GRID2: variants seen among roughly 807,000 people sequenced by gnomAD.
The protein encoded by GRID2 is glutamate ionotropic receptor delta type subunit 2.
In GRID2, 33 loss-of-function variants were observed where a neutral mutation model predicts 114.8. That is an observed-to-expected ratio of 0.29 (90% CI 0.22 to 0.38). The LOEUF is 0.38. GRID2 is among the 10% of genes least tolerant of loss of function. The probability of loss-of-function intolerance (pLI) is 1.00; values close to 1 mark genes in which losing one functional copy is unlikely to be tolerated. For missense variants in GRID2, 1,184 were observed against 1,257.7 expected, an observed-to-expected ratio of 0.94 and a Z score of 0.89; for synonymous variants, 505 against 449.9, an observed-to-expected ratio of 1.12 and a Z score of -1.55.
chr4:92,622,962 G>A (rs368682469), intron 2 of GRID2, among the ~76,000 whole-genome samples: 1 of 151,624 alleles, frequency 6.6e-6, no homozygotes, highest in African/African-American at 2.4e-5. Flanking sequence ...TGAAGCTGAA[G>A]CTTCTGTGTC....
At chr4:93,760,505 C>G (rs915551316) in intron 14 of GRID2, among the ~76,000 whole-genome samples, 1 of 152,196 alleles carries the variant, frequency 6.6e-6, no homozygotes, top group African/African-American at 2.4e-5. Context: ...TCTGCAGCAG[C>G]CTTCAGCAAT....
At chr4:92,628,989 G>T (rs547252890) in intron 2 of GRID2, among the ~76,000 whole-genome samples, 2 of 151,698 alleles carry the variant, frequency 1.3e-5, no homozygotes, top group African/African-American at 2.4e-5. Flanking sequence ...AGCAATAATT[G>T]CTGGTATCAG....
intron 13 of GRID2, among the ~76,000 whole-genome samples, chr4:93,565,149 T>A (rs1250060917): frequency 6.6e-6 from 1 of 152,080 alleles, no homozygotes; most frequent in Admixed American, 6.6e-5. Flanking sequence ...CTTAAAAGTA[T>A]AACAATAGCA....
intron 8 of GRID2, among the ~76,000 whole-genome samples, chr4:93,324,961 A>AT (rs1757666728): frequency 6.6e-6 from 1 of 151,692 alleles, no homozygotes; most frequent in African/African-American, 2.4e-5. Context: ...CGGTCTATCA[A>AT]TTTTGTTGAT....
intron 12 of GRID2, among the ~76,000 whole-genome samples, chr4:93,497,829 A>T (rs1461490667): frequency 6.6e-6 from 1 of 151,686 alleles, no homozygotes; most frequent in African/African-American, 2.4e-5. Context: ...TTGTCTTTTT[A>T]TTATAAATTA....
intron 2 of GRID2, among the ~76,000 whole-genome samples, chr4:92,921,422 G>T (rs11721603): frequency 6.6e-6 from 1 of 152,026 alleles, no homozygotes; most frequent in African/African-American, 2.4e-5. Context: ...GAGGAGAGGC[G>T]CTCTGATTTT....
At chr4:92,441,065 G>A (rs1733037314) in intron 1 of GRID2, among the ~76,000 whole-genome samples, 1 of 151,954 alleles carries the variant, frequency 6.6e-6, no homozygotes, top group African/African-American at 2.4e-5. Flanking sequence ...CAGACATGAG[G>A]GCTAGGCTAA....
At chr4:92,541,471 A>G (rs539282823) in intron 1 of GRID2, among the ~76,000 whole-genome samples, 1 of 148,430 alleles carries the variant, frequency 6.7e-6, no homozygotes, top group South Asian at 2.2e-4. Context: ...TATTAATCTT[A>G]TCTCAATTTT....
intron 2 of GRID2, among the ~76,000 whole-genome samples, chr4:92,622,481 G>A (rs1431011075): frequency 6.6e-6 from 1 of 151,662 alleles, no homozygotes; most frequent in Non-Finnish European, 1.5e-5. Flanking sequence ...TTCTGTACAA[G>A]AGAGTAATAA....
At chr4:92,441,119 G>A (rs71489441) in intron 1 of GRID2, among the ~76,000 whole-genome samples, 3,882 of 152,098 alleles carry the variant, frequency 0.026, 129 homozygotes, top group African/African-American at 0.089. Context: ...TACAGGGTGC[G>A]GTCCTGGCTC....
At chr4:92,937,302 T>G (rs1750747685) in intron 2 of GRID2, among the ~76,000 whole-genome samples, 1 of 147,056 alleles carries the variant, frequency 6.8e-6, no homozygotes, top group East Asian at 2.2e-4. Flanking sequence ...TTCTTTCTTC[T>G]AAGAATTTTA....
chr4:92,921,150 A>T (rs552692962), intron 2 of GRID2, among the ~76,000 whole-genome samples: 3 of 152,072 alleles, frequency 2.0e-5, no homozygotes, highest in African/African-American at 4.8e-5. Context: ...TCGGCTACTG[A>T]GGCTTGTACA....
chr4:93,787,169 T>C (rs1045422393), intron 1 of GRID2, among the ~76,000 whole-genome samples: 6 of 151,580 alleles, frequency 4.0e-5, no homozygotes, highest in African/African-American at 1.5e-4. Context: ...TTGTGGGAGT[T>C]TTAATGAACC....
Position 92,702,136 on chromosome 4 carries a change from A to G in GRID2, c.244+111850A>G, listed in dbSNP as rs115757712. ...ACCGGAGCAATCCAGGTCAGTTTCT[A>G]TCTATTTTATTTTTCTCCCAGTATG... On this transcript the variant is annotated intron_variant, in intron 2 of 15. Transcript: ENST00000282020. 6.0e-3 allele frequency among the ~76,000 whole-genome samples: 916 copies of G among 152,186 alleles called. 11 individuals carry two copies. Among genetic ancestry groups the G allele is most frequent in the African/African-American group, 0.021 (873 of 41,520 alleles).
intron 1 of GRID2, among the ~76,000 whole-genome samples, chr4:92,388,028 G>T (rs1730059145): frequency 6.6e-6 from 1 of 151,960 alleles, no homozygotes. Flanking sequence ...CATTTTGTTT[G>T]ATTTCTAAAA....
chr4:93,093,186 G>T (rs1290511433), intron 3 of GRID2, among the ~76,000 whole-genome samples: 1 of 151,980 alleles, frequency 6.6e-6, no homozygotes, highest in African/African-American at 2.4e-5. Context: ...TGCTGAATTC[G>T]AAGTGACCCT....
intron 4 of GRID2, among the ~76,000 whole-genome samples, chr4:93,168,374 C>T (rs1289514519): frequency 3.3e-5 from 5 of 152,074 alleles, no homozygotes; most frequent in Non-Finnish European, 7.4e-5. Flanking sequence ...GATGAAATCT[C>T]ATTAGATAAG....
At chr4:92,600,156 A>T (rs1258425879) in intron 2 of GRID2, among the ~76,000 whole-genome samples, 4 of 146,668 alleles carry the variant, frequency 2.7e-5, no homozygotes, top group Non-Finnish European at 3.0e-5. Context: ...GTCAGAAACA[A>T]TCTTAGTATA....
At chr4:93,669,673 A>G (rs1027887697) in intron 14 of GRID2, among the ~76,000 whole-genome samples, 45 of 152,114 alleles carry the variant, frequency 3.0e-4, no homozygotes, top group Non-Finnish European at 1.6e-4. Context: ...CTCCAAACAC[A>G]TATCTTTTAT....
Sources: allele counts gnomAD v4.1 joint callset (sites outside exome capture counted in the v4.1 genomes callset), GRCh38; gene constraint gnomAD v4.1.1; transcripts MANE v1.5; gene names NCBI Gene and HGNC (gene_info 2026-07-23, HGNC 2026-07-21).